Variants in OLA1 observed in about 807,000 individuals in gnomAD.
OLA1 encodes the protein obg-like ATPase 1.
In OLA1, 14 loss-of-function variants were observed where a neutral mutation model predicts 48.4. The ratio of observed to expected loss-of-function variants is 0.29; its 90% CI spans 0.19 to 0.45. The LOEUF is 0.45. Among genes scored for constraint, OLA1 ranks in the 20% least tolerant of loss-of-function variants. The pLI is 1.00. For synonymous variants in OLA1, 127 were observed against 150.4 expected, an observed-to-expected ratio of 0.84 and a Z score of 1.14; for missense variants, 325 against 467.1, an observed-to-expected ratio of 0.70 and a Z score of 2.80.
chr2:174,114,850 C>G (rs1374947837), intron 7 of OLA1, among the ~76,000 whole-genome samples: 2 of 148,728 alleles, frequency 1.3e-5, no homozygotes, highest in Non-Finnish European at 1.5e-5. Context: ...TTCATTTTGG[C>G]CAGGTATAGT....
chr2:174,134,568 T>G (rs1686257116), intron 5 of OLA1, among the ~76,000 whole-genome samples: 1 of 152,222 alleles, frequency 6.6e-6, no homozygotes, highest in Non-Finnish European at 1.5e-5. Context: ...ACTCTATACA[T>G]TAAAACATGT....
chr2:174,232,686 G>A (rs1044534509), intron 2 of OLA1, among the ~76,000 whole-genome samples: 11 of 152,104 alleles, frequency 7.2e-5, no homozygotes, highest in African/African-American at 2.7e-4. Flanking sequence ...TATTAGGATG[G>A]CCACTATCAA....
intron 2 of OLA1, among the ~76,000 whole-genome samples, chr2:174,244,101 T>C (rs1166859244): frequency 6.6e-6 from 1 of 152,190 alleles, no homozygotes; most frequent in African/African-American, 2.4e-5. Flanking sequence ...TTGGCTCTTA[T>C]CCCTCTTGAG....
chr2:174,103,195 T>G (rs1410582233), intron 7 of OLA1, among the ~76,000 whole-genome samples: 1 of 141,998 alleles, frequency 7.0e-6, no homozygotes, highest in Non-Finnish European at 1.5e-5. Context: ...ATGTGTATCA[T>G]GTGTATTTGG....
chr2:174,107,599 A>G (rs1486107754), intron 7 of OLA1, among the ~76,000 whole-genome samples: 1 of 152,126 alleles, frequency 6.6e-6, no homozygotes, highest in Non-Finnish European at 1.5e-5. Context: ...AAATTTTAAA[A>G]CCAACATAAA....
intron 4 of OLA1, among the ~76,000 whole-genome samples, chr2:174,160,318 T>C (rs539755174): frequency 4.6e-5 from 7 of 152,284 alleles, no homozygotes; most frequent in Admixed American, 6.5e-5. Context: ...AAATGTCTGA[T>C]ACGGTTATTC....
chr2:174,101,009 G>A (rs1006084788), intron 7 of OLA1, among the ~76,000 whole-genome samples: 2 of 152,168 alleles, frequency 1.3e-5, no homozygotes, highest in African/African-American at 4.8e-5. Context: ...TATAAGATAT[G>A]AACATGTTTC....
intron 4 of OLA1, among the ~76,000 whole-genome samples, chr2:174,158,091 T>C (rs1372179982): frequency 6.6e-6 from 1 of 152,208 alleles, no homozygotes; most frequent in Admixed American, 6.5e-5. Context: ...ATGATCTCCC[T>C]GAGATCTTTC....
In OLA1 at chr2:174,100,119, C is replaced by A. The variant is rs190752923; in HGVS notation, c.729-18055G>T. On this transcript the variant is annotated intron_variant, in intron 7 of 10. Transcript: ENST00000284719. ...AACCAAAGCAAGAAACACTGGGGGACCTGGATCAATAATATGTAGTACATC... is the reference window on the plus strand; with the variant it reads ...AACCAAAGCAAGAAACACTGGGGGAACTGGATCAATAATATGTAGTACATC... Among the ~76,000 whole-genome samples the A allele has an allele frequency of 1.9e-3, 293 of 152,106 alleles. 1 individual carries two copies. The highest frequency in any genetic ancestry group is 6.7e-3 in the African/African-American group (279 of 41,466).
intron 5 of OLA1, among the ~76,000 whole-genome samples, chr2:174,133,419 G>A (rs1426078654): frequency 3.3e-5 from 5 of 152,158 alleles, no homozygotes; most frequent in African/African-American, 4.8e-5. Flanking sequence ...GGAGTGCAGT[G>A]GCGCAACCTC....
At position 174,165,391 on chromosome 2, in the gene OLA1, T is replaced by TCAGAAATTGTGAGTTCTGCCATTAA. The variant is rs541678115; in HGVS notation, c.374-23416_374-23392dup. 1.4e-4 allele frequency among the ~76,000 whole-genome samples: 21 copies of TCAGAAATTGTGAGTTCTGCCATTAA among 152,310 alleles called. 1 individual carries two copies. The South Asian group carries it at 4.3e-3, about 32-fold the overall frequency. On this transcript the variant is annotated intron_variant, in intron 4 of 10. Coordinates refer to ENST00000284719, the MANE Select transcript of OLA1 (RefSeq NM_013341.5). ...GTTCAGGCCAACAACAGTCCTGTCT[T>TCAGAAATTGTGAGTTCTGCCATTAA]CAGAAATTGTGAGTTCTGCCATTAA...
At chr2:174,222,899 T>C (rs1688538714) in intron 4 of OLA1, 134 bp downstream of exon 4, 5 of 902,748 alleles carry the variant, frequency 5.5e-6, no homozygotes, top group Non-Finnish European at 6.6e-6. Context: ...GTCACAGATT[T>C]ACAGACAAAC....
At chr2:174,145,114 C>G (rs6433465) in intron 4 of OLA1, among the ~76,000 whole-genome samples, 81,817 of 149,674 alleles carry the variant, frequency 0.55, 23,160 homozygotes, top group East Asian at 0.95. Flanking sequence ...TCAGAGAATG[C>G]ATATGATTAA....
chr2:174,164,221 G>A lies in OLA1; in HGVS notation c.374-22221C>T, dbSNP rs183310212. 5.7e-4 allele frequency among the ~76,000 whole-genome samples: 86 copies of A among 151,948 alleles called. 1 individual carries two copies. The highest frequency in any genetic ancestry group is 1.2e-4 in the Non-Finnish European group (8 of 67,982). On this transcript the variant is annotated intron_variant, in intron 4 of 10. Coordinates refer to ENST00000284719, the MANE Select transcript of OLA1 (RefSeq NM_013341.5). ...TTTTCTTTATAAATTACCCAGTCTC[G>A]GGTATTTTCTTCATAGCAGCATGAG...
At chr2:174,153,117 G>A (rs1686784850) in intron 4 of OLA1, among the ~76,000 whole-genome samples, 2 of 152,134 alleles carry the variant, frequency 1.3e-5, no homozygotes, top group Admixed American at 1.3e-4. Flanking sequence ...CTGACTTTGA[G>A]GGACTAGTCT....
chr2:174,133,893 C>T (rs1283486525), intron 5 of OLA1, among the ~76,000 whole-genome samples: 1 of 152,230 alleles, frequency 6.6e-6, no homozygotes, highest in African/African-American at 2.4e-5. Context: ...ATTTCCATCA[C>T]TCCAAAATAA....
At chr2:174,214,680 T>C (rs1281510881) in intron 4 of OLA1, among the ~76,000 whole-genome samples, 1 of 152,156 alleles carries the variant, frequency 6.6e-6, no homozygotes, top group Non-Finnish European at 1.5e-5. Flanking sequence ...TCCAGACATT[T>C]TATATGTTTC....
intron 5 of OLA1, among the ~76,000 whole-genome samples, chr2:174,136,838 AT>A (rs56267825): frequency 4.7e-5 from 7 of 148,782 alleles, no homozygotes; most frequent in Admixed American, 1.3e-4. Context: ...CGCCTGGTTA[AT>A]TTTTTTTTTG....
chr2:174,225,206 CCT>C (rs1352235331), intron 3 of OLA1, among the ~76,000 whole-genome samples: 3 of 152,120 alleles, frequency 2.0e-5, no homozygotes, highest in African/African-American at 4.8e-5. Context: ...TCTTGCTCCC[CCT>C]GTCTCCATGT....
Sources: allele counts gnomAD v4.1 joint callset (sites outside exome capture counted in the v4.1 genomes callset), GRCh38; gene constraint gnomAD v4.1.1; transcripts MANE v1.5; gene names NCBI Gene and HGNC (gene_info 2026-07-23, HGNC 2026-07-21).